Variants in GLYATL1 observed in about 807,000 individuals in gnomAD.
GLYATL1 encodes glycine N-acyltransferase-like protein 1.
In GLYATL1, 15 loss-of-function variants were observed where a neutral mutation model predicts 20.0. That is an observed-to-expected ratio of 0.75 (90% CI 0.50 to 1.15). The LOEUF is 1.15. GLYATL1 is among the 50% of genes most tolerant of loss of function. The pLI is 0.00. For missense variants in GLYATL1, 380 were observed against 368.5 expected (o/e 1.03, Z -0.26); for synonymous variants, 151 against 131.5 (o/e 1.15, Z -1.01).
At chr11:58,916,716 G>T (rs1271083846) in intron 1 of GLYATL1, among the ~76,000 whole-genome samples, 1 of 152,218 alleles carries the variant, frequency 6.6e-6, no homozygotes, top group Admixed American at 6.5e-5. Flanking sequence ...CCAGTGGATG[G>T]TCTTGACTAC....
upstream of GLYATL1, chr11:58,939,451 A>T (rs1195078170): frequency 6.6e-6 from 1 of 152,220 alleles, no homozygotes; most frequent in African/African-American, 2.4e-5. Context: ...GTGTTTCAGT[A>T]ACAGCTTTTG....
At chr11:58,907,790 G>A (rs1424782951) in exon 2 of GLYATL1, 2 of 183,578 alleles carry the variant, frequency 1.1e-5, no homozygotes, top group Admixed American at 5.5e-5. Flanking sequence ...TATTTTACAT[G>A]GAAACCATTT....
Position 58,956,183 on chromosome 11 carries a change from T to A in GLYATL1, c.*156T>A. ...GCCTTGATGTTAAAAGACACAGCCA[T>A]GCTCTTGAGGAGCTTACAATCCTGG... is the stretch of plus-strand genomic sequence containing the variant. On this transcript the variant is annotated 3_prime_UTR_variant, in exon 7 of 7. Coordinates refer to ENST00000532726, the MANE Select transcript of GLYATL1 (RefSeq NM_001389712.2). The A allele has an allele frequency of 1.5e-6, 1 of 687,178 alleles. No individual in the cohort carries two copies. The highest frequency in any genetic ancestry group is 2.4e-6 in the Non-Finnish European group (1 of 413,476). The allele number at this position is 687,178 out of a possible 1,614,324, so 42.6% of individuals were successfully genotyped here.
At position 58,955,329 on chromosome 11, in the gene GLYATL1, G is replaced by C. The variant is rs371841177; in HGVS notation, c.467G>C (p.Gly156Ala). 1.9e-6 allele frequency: 3 copies of C among 1,613,396 alleles called. No individual in the cohort carries two copies. The highest frequency in any genetic ancestry group is 2.5e-6 in the Non-Finnish European group (3 of 1,179,768). ...KSKLGSWAET[G>A]HPDDEFESET... ...AAGCTTGGAAGCTGGGCTGAGACAG[G>C]CCACCCAGATGATGAATTTGAAAGG... The change falls in exon 6 of 7, where the codon GGC (glycine) becomes GCC (alanine). Residue 156 changes from glycine (G) to alanine (A), a missense_variant. Coordinates refer to ENST00000532726, the MANE Select transcript of GLYATL1 (RefSeq NM_001389712.2).
intron 1 of GLYATL1, among the ~76,000 whole-genome samples, chr11:58,940,925 C>T (rs1856093675): frequency 6.6e-6 from 1 of 152,130 alleles, no homozygotes; most frequent in Admixed American, 6.5e-5. Flanking sequence ...CTTGATTCAG[C>T]CACTGCACTC....
chr11:58,944,047 A>G (rs1369682373), intron 2 of GLYATL1, among the ~76,000 whole-genome samples: 1 of 152,136 alleles, frequency 6.6e-6, no homozygotes, highest in African/African-American at 2.4e-5. Context: ...TATTTTAGAT[A>G]AAAATGGGAT....
chr11:58,911,210 G>A (rs1855032264), downstream of GLYATL1, among the ~76,000 whole-genome samples: 1 of 152,126 alleles, frequency 6.6e-6, no homozygotes, highest in Admixed American at 6.5e-5. Flanking sequence ...ATCAAAATCT[G>A]TTTATCCATT....
intron 4 of GLYATL1, among the ~76,000 whole-genome samples, chr11:58,949,717 G>A (rs562100294): frequency 3.9e-5 from 6 of 152,054 alleles, no homozygotes; most frequent in African/African-American, 4.8e-5. Flanking sequence ...GAAATACGCT[G>A]CAATTTACTT....
rs1253431934 is a variant in GLYATL1 at position 58,956,072 on chromosome 11, T to G, written c.*45T>G. On this transcript the variant is annotated 3_prime_UTR_variant, in exon 7 of 7. Transcript: ENST00000532726. ...ATCTCTGCCAAGCCATCTCTTAATA[T>G]TAAAGCAGACACCACAGAATAGATT... 6.6e-7 allele frequency: 1 copy of G among 1,523,568 alleles called. No individual in the cohort carries two copies. Among genetic ancestry groups the G allele is most frequent in the Non-Finnish European group, 9.0e-7 (1 of 1,110,252 alleles). The allele number at this position is 1,523,568 out of a possible 1,614,324, so 94.4% of individuals were successfully genotyped here. A position where few individuals can be genotyped will look rare whatever the true frequency, so the allele number is the denominator to read the frequency against.
chr11:58,924,995 T>C (rs958585535), upstream of GLYATL1, among the ~76,000 whole-genome samples: 29 of 152,212 alleles, frequency 1.9e-4, no homozygotes, highest in African/African-American at 6.5e-4. Flanking sequence ...TCTGCTTCCT[T>C]AGCATAATGT....
intron 3 of GLYATL1, chr11:58,947,400 C>G (rs1856650348): frequency 1.8e-6 from 1 of 565,360 alleles, no homozygotes; most frequent in African/African-American, 1.9e-5. Flanking sequence ...AGCATGGTGG[C>G]TACGAACATG....
At position 58,915,594 on chromosome 11, in the gene GLYATL1, C is replaced by G. The variant is rs1315557539; in HGVS notation, n.264+9933C>G. Among the ~76,000 whole-genome samples the G allele has an allele frequency of 2.0e-5, 3 of 152,216 alleles. No homozygotes were observed. In the South Asian group the frequency reaches 6.2e-4, roughly 32 times the overall value. On this transcript the variant is annotated intron_variant and non_coding_transcript_variant, in intron 1 of 2. Transcript: ENST00000534674. ...AAGATCAACACAATCTGAAGACTCA[C>G]CTCAGATATATTAAGTCATATCCTG...
upstream of GLYATL1, among the ~76,000 whole-genome samples, chr11:58,924,500 T>C (rs1392465805): frequency 6.6e-6 from 1 of 152,218 alleles, no homozygotes; most frequent in Non-Finnish European, 1.5e-5. Context: ...TGTAAACTAT[T>C]CCCTGTTGCT....
At chr11:58,907,156 C>G in intron 1 of GLYATL1, 1 of 405,856 alleles carries the variant, frequency 2.5e-6, no homozygotes, top group East Asian at 7.2e-5. Flanking sequence ...TCAGCCGGGG[C>G]TCTGATCAGT....
At chr11:58,927,537 T>G (rs1422440577), upstream of GLYATL1, 1 of 152,194 alleles carries the variant, frequency 6.6e-6, no homozygotes, top group East Asian at 1.9e-4. Context: ...TGGGCTGACT[T>G]TGTTGTATGT....
chr11:58,955,125 A>G (rs1219847639), intron 5 of GLYATL1, 51 bp from the exon 6 acceptor site: 1 of 1,538,348 alleles, frequency 6.5e-7, no homozygotes, highest in Admixed American at 1.7e-5. Context: ...GGAGCAGTGT[A>G]AGTAGAGAAC....
chr11:58,939,406 G>C (rs1855983473), upstream of GLYATL1: 1 of 152,246 alleles, frequency 6.6e-6, no homozygotes, highest in African/African-American at 2.4e-5. Context: ...TTGGCTTTCT[G>C]TGTGGTGAGC....
chr11:58,918,727 T>C (rs1855238626), intron 1 of GLYATL1, among the ~76,000 whole-genome samples: 1 of 152,260 alleles, frequency 6.6e-6, no homozygotes, highest in Admixed American at 6.5e-5. Flanking sequence ...ACTCATTTGA[T>C]GGTGACTCTG....
intron 1 of GLYATL1, among the ~76,000 whole-genome samples, chr11:58,920,259 C>G (rs1301560575): frequency 6.6e-6 from 1 of 152,068 alleles, no homozygotes; most frequent in African/African-American, 2.4e-5. Flanking sequence ...TTTATTTCCT[C>G]CTGCAACTGC....
Sources: allele counts gnomAD v4.1 joint callset (sites outside exome capture counted in the v4.1 genomes callset), GRCh38; gene constraint gnomAD v4.1.1; transcripts MANE v1.5; gene names NCBI Gene and HGNC (gene_info 2026-07-23, HGNC 2026-07-21).